HEPH: variants seen among roughly 807,000 people sequenced by gnomAD.
HEPH encodes hephaestin.
HEPH carries 69 observed loss-of-function variants against 80.8 expected under a neutral mutation model. That is an observed-to-expected ratio of 0.85 (90% CI 0.70 to 1.04). The LOEUF (loss-of-function observed/expected upper bound fraction) is 1.04, where lower values mean the gene tolerates loss of function less well. Ranked by LOEUF, HEPH falls within the 50% of genes least tolerant of loss-of-function variation. HEPH has a pLI of 0.00. For synonymous variants in HEPH, 431 were observed against 322.8 expected (o/e 1.34, Z -3.60); for missense variants, 1,115 against 891.3 (o/e 1.25, Z -3.20).
chrX:66,190,010 C>T, intron 6 of HEPH, 72 bp downstream of exon 6: 1 of 1,052,203 alleles, frequency 9.5e-7, no homozygotes, highest in East Asian at 3.3e-5. Context: ...GGCTGGGTTT[C>T]TGGCCTGAAG....
chrX:66,240,845 G>A (rs2090544118), intron 15 of HEPH, among the ~76,000 whole-genome samples: 1 of 111,572 alleles, frequency 9.0e-6, no homozygotes, highest in South Asian at 3.7e-4. Flanking sequence ...ATTACTTCAG[G>A]ATGAACATCC....
chrX:66,235,990 A>G (rs766919782), intron 15 of HEPH, among the ~76,000 whole-genome samples: 7 of 112,265 alleles, frequency 6.2e-5, no homozygotes, highest in Non-Finnish European at 1.3e-4. Context: ...GTTGCTTATC[A>G]GCTTAAGAGC....
intron 15 of HEPH, among the ~76,000 whole-genome samples, chrX:66,236,746 C>T (rs948416617): frequency 9.0e-6 from 1 of 110,857 alleles, no homozygotes; most frequent in African/African-American, 3.3e-5. Flanking sequence ...GTCCTGTGCT[C>T]TTTTTTTATG....
chrX:66,214,042 A>G (rs1431918433), intron 15 of HEPH, among the ~76,000 whole-genome samples: 1 of 112,323 alleles, frequency 8.9e-6, no homozygotes, highest in African/African-American at 3.2e-5. Flanking sequence ...TCCATGTGGT[A>G]AGTTGACCTA....
chrX:66,197,481 A>G (rs2088165709), intron 9 of HEPH, among the ~76,000 whole-genome samples: 1 of 111,892 alleles, frequency 8.9e-6, no homozygotes, highest in Non-Finnish European at 1.9e-5. Flanking sequence ...GCTGCATTTC[A>G]TATAGCAAGT....
At chrX:66,171,726 T>C (rs1210116132) in intron 2 of HEPH, among the ~76,000 whole-genome samples, 2 of 112,271 alleles carry the variant, frequency 1.8e-5, no homozygotes, top group East Asian at 5.5e-4. Context: ...TCATCCCTAA[T>C]ACTTTGTAGT....
chrX:66,266,645 C>A lies in HEPH; in HGVS notation c.3450C>A (p.Ser1150Arg). 1.7e-6 allele frequency: 2 copies of A among 1,204,331 alleles called. No individual in the cohort carries two copies. The highest frequency in any genetic ancestry group is 2.2e-6 in the Non-Finnish European group (2 of 889,705). Reference sequence around the variant, plus strand: ...ATAGGAGGTCCATCCTGGATGACAGCTTCAAGCTTCTGTCTTTCAAACAGT... The same window carrying A: ...ATAGGAGGTCCATCCTGGATGACAGATTCAAGCTTCTGTCTTTCAAACAGT... ...RRNRRSILDDSFKLLSFKQ is the reference protein window; with the variant it reads ...RRNRRSILDDRFKLLSFKQ The change falls in exon 21 of 21, where the codon AGC becomes AGA. Residue 1150 changes from serine to arginine, a missense_variant. This residue lies in a region of HEPH where 716 missense variants were observed against 523.5 expected (regional missense o/e 1.37). Transcript: ENST00000343002.
At chrX:66,229,059 C>T (rs910890929) in intron 15 of HEPH, among the ~76,000 whole-genome samples, 4 of 111,639 alleles carry the variant, frequency 3.6e-5, no homozygotes, top group African/African-American at 6.5e-5. Flanking sequence ...AGTCATTATA[C>T]GAAAAAAGAT....
chrX:66,218,631 C>G lies in HEPH; in HGVS notation c.2563+10385C>G, dbSNP rs780991057. 7.1e-4 allele frequency among the ~76,000 whole-genome samples: 79 copies of G among 111,539 alleles called. 1 individual carries two copies. In the Admixed American group the frequency reaches 7.2e-3, roughly 10 times the overall value. On this transcript the variant is annotated intron_variant, in intron 15 of 20. Coordinates refer to ENST00000343002, the MANE Select transcript of HEPH (RefSeq NM_001367233.3). ...GGCTTTATTCGACTGAGAGCTTCAG[C>G]AAGACTCATGTTTCCAACAACCGAG...
At chrX:66,197,516 C>A (rs1185793340) in intron 9 of HEPH, among the ~76,000 whole-genome samples, 167 bp from the exon 10 acceptor site, 1 of 111,813 alleles carries the variant, frequency 8.9e-6, no homozygotes, top group African/African-American at 3.3e-5. Flanking sequence ...AAAATAAACT[C>A]ATCTCTTGAC....
At chrX:66,192,479 G>A (rs2087854289) in intron 7 of HEPH, among the ~76,000 whole-genome samples, 181 bp downstream of exon 7, 1 of 111,774 alleles carries the variant, frequency 8.9e-6, no homozygotes, top group Non-Finnish European at 1.9e-5. Flanking sequence ...CTCTTGGGGA[G>A]ATACAGGTAG....
chrX:66,252,861 G>A (rs916931046), intron 15 of HEPH, among the ~76,000 whole-genome samples: 28 of 112,160 alleles, frequency 2.5e-4, no homozygotes, highest in African/African-American at 9.0e-4. Context: ...GAAAAAAATA[G>A]TCTTTTCAAT....
chrX:66,195,323 G>T (rs1336798148), intron 9 of HEPH, 94 bp downstream of exon 9: 1 of 740,020 alleles, frequency 1.4e-6, no homozygotes, highest in Non-Finnish European at 1.8e-6. Flanking sequence ...GATGAAGTAG[G>T]CAGAATTATT....
chrX:66,263,541 C>G (rs1569420820), intron 19 of HEPH, 103 bp from the exon 20 acceptor site: 1 of 881,686 alleles, frequency 1.1e-6, no homozygotes, highest in East Asian at 3.2e-5. Context: ...CTTACTTAAT[C>G]ACAGAGAAAT....
intron 5 of HEPH, 40 bp downstream of exon 5, chrX:66,188,581 T>C (rs749121273): frequency 2.7e-6 from 3 of 1,110,745 alleles, no homozygotes; most frequent in East Asian, 3.0e-5. Flanking sequence ...ACAGGGAACA[T>C]TGTTGGAGGG....
chrX:66,178,406 C>A (rs774765849), intron 4 of HEPH, among the ~76,000 whole-genome samples: 4 of 112,325 alleles, frequency 3.6e-5, no homozygotes, highest in Admixed American at 1.9e-4. Context: ...AATAAACATG[C>A]GTGTGCATGT....
At chrX:66,220,069 G>A (rs2089575282) in intron 15 of HEPH, among the ~76,000 whole-genome samples, 1 of 111,216 alleles carries the variant, frequency 9.0e-6, no homozygotes, top group African/African-American at 3.3e-5. Context: ...TCTAATGATT[G>A]AGGCTTTTAG....
chrX:66,221,406 G>T (rs1431459425), intron 15 of HEPH, among the ~76,000 whole-genome samples: 2 of 112,790 alleles, frequency 1.8e-5, no homozygotes, highest in African/African-American at 6.5e-5. Flanking sequence ...GGTTAATCTA[G>T]CATTTGTTAA....
chrX:66,210,034 A>G (rs2089025633), intron 15 of HEPH, among the ~76,000 whole-genome samples: 1 of 111,681 alleles, frequency 9.0e-6, no homozygotes, highest in African/African-American at 3.3e-5. Context: ...TTACCCCAGA[A>G]GAGTATATTG....
Sources: allele counts gnomAD v4.1 joint callset (sites outside exome capture counted in the v4.1 genomes callset), GRCh38; gene constraint gnomAD v4.1.1; regional missense constraint gnomAD v4.1.1; transcripts MANE v1.5; gene names NCBI Gene and HGNC (gene_info 2026-07-23, HGNC 2026-07-21).